CACHD1: variants seen among roughly 807,000 people sequenced by gnomAD.
CACHD1 encodes the protein VWFA and cache domain-containing protein 1.
CACHD1 carries 71 observed loss-of-function variants against 138.7 expected under a neutral mutation model. The ratio of observed to expected loss-of-function variants is 0.51; its 90% CI spans 0.42 to 0.62. The LOEUF (loss-of-function observed/expected upper bound fraction) is 0.62. CACHD1 is among the 20% of genes least tolerant of loss of function. The pLI is 0.00. For missense variants in CACHD1, 1,389 were observed against 1,625.3 expected, an observed-to-expected ratio of 0.85 and a Z score of 2.50; for synonymous variants, 578 against 591.5, an observed-to-expected ratio of 0.98 and a Z score of 0.33.
At position 64,557,112 on chromosome 1, in the gene CACHD1, C is replaced by T. The variant is rs372050557; in HGVS notation, c.261+6456C>T. Among the ~76,000 whole-genome samples the T allele has an allele frequency of 2.7e-3, 327 of 123,232 alleles. 1 individual carries two copies. The highest frequency in any genetic ancestry group is 8.1e-3 in the African/African-American group (300 of 36,950). The allele number at this position is 123,232 out of a possible 152,430, so 80.8% of individuals were successfully genotyped here. On this transcript the variant is annotated intron_variant, in intron 2 of 26. Coordinates refer to ENST00000651257, the MANE Select transcript of CACHD1 (RefSeq NM_020925.4). Reference sequence around the variant, plus strand: ...CTCCAGCCTGGGCAACAGAGCAAGACTCCATCTCGAAAAAAAAAAAAAAAT... The same window carrying T: ...CTCCAGCCTGGGCAACAGAGCAAGATTCCATCTCGAAAAAAAAAAAAAAAT...
rs926080522 is a variant in CACHD1 at position 64,625,543 on chromosome 1, C to T, written c.518-3812C>T. ...TTGGGCGGCTGAGGCAGGAGAATCA[C>T]TTGAACTCAGGAGGCAGAGGTTGCA... On this transcript the variant is annotated intron_variant, in intron 4 of 26. Transcript: ENST00000651257. Among the ~76,000 whole-genome samples the T allele has an allele frequency of 3.9e-5, 6 of 151,988 alleles. No homozygotes were observed. The South Asian group carries it at 1.2e-3, about 32-fold the overall frequency.
chr1:64,518,507 A>G (rs1482994669), intron 1 of CACHD1, among the ~76,000 whole-genome samples: 1 of 152,136 alleles, frequency 6.6e-6, no homozygotes, highest in Non-Finnish European at 1.5e-5. Context: ...TAGTGCATGT[A>G]CAGGAATATG....
intron 1 of CACHD1, among the ~76,000 whole-genome samples, chr1:64,534,616 T>C (rs984616685): frequency 1.3e-5 from 2 of 152,200 alleles, no homozygotes; most frequent in Non-Finnish European, 2.9e-5. Flanking sequence ...CAGTATCTGC[T>C]TGCACTTGCC....
intron 13 of CACHD1, among the ~76,000 whole-genome samples, chr1:64,659,362 T>C (rs1435132286): frequency 6.6e-6 from 1 of 152,076 alleles, no homozygotes; most frequent in Admixed American, 6.6e-5. Flanking sequence ...CCATTAAAGG[T>C]AAACATGTAA....
chr1:64,471,211 G>A (rs552083679), intron 1 of CACHD1, among the ~76,000 whole-genome samples: 2 of 152,258 alleles, frequency 1.3e-5, no homozygotes, highest in South Asian at 2.1e-4. Context: ...CCCCTCTTCT[G>A]AGTACCAGCG....
chr1:64,501,458 T>G (rs547520010), intron 1 of CACHD1, among the ~76,000 whole-genome samples: 1 of 152,346 alleles, frequency 6.6e-6, no homozygotes, highest in African/African-American at 2.4e-5. Context: ...CTTGGATTTA[T>G]TTTAGTCTAG....
chr1:64,541,394 C>T (rs979857999), intron 1 of CACHD1, among the ~76,000 whole-genome samples: 2 of 151,982 alleles, frequency 1.3e-5, no homozygotes, highest in African/African-American at 4.8e-5. Context: ...GATTTTTTTC[C>T]CTTCTTTATA....
chr1:64,663,816 C>T lies in CACHD1; in HGVS notation c.2073C>T (p.Leu691=). 1.9e-6 allele frequency: 3 copies of T among 1,614,134 alleles called. No individual in the cohort carries two copies. The highest frequency in any genetic ancestry group is 2.5e-6 in the Non-Finnish European group (3 of 1,180,008). The change falls in exon 14 of 27, where the codon CTC becomes CTT. Residue 691 remains leucine, a synonymous_variant. Transcript: ENST00000651257. ...YTAYLSDNTR[L]IANPGLKFSV... ...CCTATCTCAGCGACAACACCCGCCT[C>T]ATTGCTAACCCGGGCCTCAAAGTAA...
chr1:64,662,349 G>C (rs974053031), intron 13 of CACHD1, among the ~76,000 whole-genome samples: 9 of 152,200 alleles, frequency 5.9e-5, no homozygotes, highest in African/African-American at 2.2e-4. Context: ...TTGAAGTCAT[G>C]CAGTGCTTAG....
chr1:64,663,565 A>AT, intron 13 of CACHD1, 130 bp from the exon 14 acceptor site: 5 of 1,177,216 alleles, frequency 4.2e-6, no homozygotes, highest in East Asian at 4.9e-5. Flanking sequence ...AAAAAAAAAA[A>AT]GAAAAAAAGG....
intron 7 of CACHD1, among the ~76,000 whole-genome samples, chr1:64,640,183 T>C (rs1648658271): frequency 6.6e-6 from 1 of 152,104 alleles, no homozygotes; most frequent in African/African-American, 2.4e-5. Flanking sequence ...CCAGCCACAC[T>C]CAAGGGAGGC....
chr1:64,578,803 A>C (rs1349413968), intron 2 of CACHD1, among the ~76,000 whole-genome samples: 2 of 152,210 alleles, frequency 1.3e-5, no homozygotes, highest in African/African-American at 4.8e-5. Context: ...GCGTTCCAAG[A>C]GACAGGCATG....
intron 13 of CACHD1, among the ~76,000 whole-genome samples, chr1:64,659,782 G>C (rs953839689): frequency 6.6e-6 from 1 of 152,212 alleles, no homozygotes; most frequent in South Asian, 2.1e-4. Context: ...AGGGTTCAAA[G>C]CAGTTAATAA....
chr1:64,594,111 G>A (rs768925540), intron 3 of CACHD1, among the ~76,000 whole-genome samples: 15 of 152,114 alleles, frequency 9.9e-5, no homozygotes, highest in Non-Finnish European at 1.8e-4. Context: ...AAAATTAGCT[G>A]CGCATGATGG....
At chr1:64,482,976 T>C (rs1317996070) in intron 1 of CACHD1, among the ~76,000 whole-genome samples, 1 of 152,188 alleles carries the variant, frequency 6.6e-6, no homozygotes, top group Non-Finnish European at 1.5e-5. Context: ...CCACAGACAT[T>C]GCCCAGCAGC....
intron 26 of CACHD1, among the ~76,000 whole-genome samples, chr1:64,687,254 A>G (rs996476770): frequency 3.3e-5 from 5 of 152,218 alleles, no homozygotes; most frequent in African/African-American, 1.2e-4. Flanking sequence ...AGTGCTCAGC[A>G]GAACTGCCTG....
At chr1:64,587,001 C>T (rs1647056250) in intron 3 of CACHD1, among the ~76,000 whole-genome samples, 1 of 152,274 alleles carries the variant, frequency 6.6e-6, no homozygotes, top group East Asian at 1.9e-4. Flanking sequence ...TTAATACTGC[C>T]TTTATAATAA....
At chr1:64,666,869 AAAAC>A (rs1649651947) in intron 16 of CACHD1, among the ~76,000 whole-genome samples, 1 of 144,782 alleles carries the variant, frequency 6.9e-6, no homozygotes, top group Non-Finnish European at 1.5e-5. Flanking sequence ...AAAAAAAAAA[AAAAC>A]GAGAAAGAAA....
At chr1:64,641,675 G>T in intron 7 of CACHD1, 145 bp from the exon 8 acceptor site, 1 of 531,830 alleles carries the variant, frequency 1.9e-6, no homozygotes, top group South Asian at 3.4e-5. Context: ...GGGGATGAAA[G>T]CCACAGCATC....
Sources: allele counts gnomAD v4.1 joint callset (sites outside exome capture counted in the v4.1 genomes callset), GRCh38; gene constraint gnomAD v4.1.1; transcripts MANE v1.5; gene names NCBI Gene and HGNC (gene_info 2026-07-23, HGNC 2026-07-21).